Variants in OR8B3 observed in about 807,000 individuals in gnomAD.
OR8B3 encodes the protein olfactory receptor 8B3.
For missense variants in OR8B3, 278 were observed against 377.6 expected (o/e 0.74, Z 2.19); for synonymous variants, 102 against 135.4 (o/e 0.75, Z 1.71).
chr11:124,408,227 C>T, the OR8B3 span, among the ~76,000 whole-genome samples: 1 of 152,040 alleles, frequency 6.6e-6, no homozygotes, highest in Non-Finnish European at 1.5e-5. Flanking sequence ...GTGAACAATG[C>T]TTATTTGTCC....
chr11:124,404,297 G>A, the OR8B3 span: 8 of 152,096 alleles, frequency 5.3e-5, no homozygotes, highest in African/African-American at 1.7e-4. Context: ...GATAAAAATT[G>A]CACACATAGG....
rs749778998 is a variant in OR8B3 at position 124,396,747 on chromosome 11, A to G, written c.605T>C (p.Val202Ala). 2.5e-6 allele frequency: 4 copies of G among 1,613,942 alleles called. No individual in the cohort carries two copies. The highest frequency in any genetic ancestry group is 1.3e-5 in the African/African-American group (1 of 75,036). ...GGGTACCATGATATTAATACCCACA[A>G]CAATGAGAACAACCACCTCGTTGAC... ...TYVNEVVVLI[V>A]VGINIMVPSC... The change falls in exon 2 of 2, where the codon GTT becomes GCT. Residue 202 changes from valine to alanine, a missense_variant. Val to Ala is a moderately conservative substitution (Grantham distance 64). Coordinates refer to ENST00000641139, the MANE Select transcript of OR8B3 (RefSeq NM_001005467.2).
chr11:124,408,040 C>T, the OR8B3 span, among the ~76,000 whole-genome samples: 1 of 152,110 alleles, frequency 6.6e-6, no homozygotes, highest in Non-Finnish European at 1.5e-5. Flanking sequence ...GTTTGGGATG[C>T]TACTATAAAT....
Position 124,396,713 on chromosome 11 carries a change from G to T in OR8B3, c.639C>A (p.Thr213=), listed in dbSNP as rs1339397397. Residue 213 remains threonine, a synonymous_variant, in exon 2 of 2, where the codon ACC becomes ACA. Coordinates refer to ENST00000641139, the MANE Select transcript of OR8B3 (RefSeq NM_001005467.2). ...CAATGAAAACATAAGAAATGAGGAT[G>T]GTACAACTGGGTACCATGATATTAA... ...VGINIMVPSC[T]ILISYVFIVT... is the part of the protein sequence containing the mutation. 3.7e-6 allele frequency: 6 copies of T among 1,613,646 alleles called. No individual in the cohort carries two copies. Among genetic ancestry groups the T allele is most frequent in the Non-Finnish European group, 4.2e-6 (5 of 1,179,838 alleles).
intron 1 of OR8B3, among the ~76,000 whole-genome samples, chr11:124,398,280 T>C (rs1378984449): frequency 1.3e-5 from 2 of 149,544 alleles, no homozygotes; most frequent in African/African-American, 5.0e-5. Context: ...CTAGACAGGA[T>C]GAAGAAAGGA....
chr11:124,407,111 T>C, the OR8B3 span, among the ~76,000 whole-genome samples: 1 of 152,150 alleles, frequency 6.6e-6, no homozygotes, highest in Non-Finnish European at 1.5e-5. Context: ...CATATGATGT[T>C]AGCTGATATT....
At chr11:124,400,402 T>G (rs1860974912), upstream of OR8B3, among the ~76,000 whole-genome samples, 1 of 152,186 alleles carries the variant, frequency 6.6e-6, no homozygotes, top group African/African-American at 2.4e-5. Flanking sequence ...AACTATACTC[T>G]CCAGTCAGTG....
the OR8B3 span, among the ~76,000 whole-genome samples, chr11:124,408,216 G>C: frequency 1.3e-5 from 2 of 152,016 alleles, no homozygotes; most frequent in African/African-American, 2.4e-5. Context: ...AATTATTTTA[G>C]GTGAACAATG....
intron 1 of OR8B3, among the ~76,000 whole-genome samples, chr11:124,397,869 A>G (rs576359413): frequency 4.6e-5 from 7 of 151,824 alleles, no homozygotes; most frequent in Admixed American, 3.9e-4. Context: ...TAATTTTTGT[A>G]TTTTTAGTAG....
chr11:124,397,212 A>C lies in OR8B3; in HGVS notation c.140T>G (p.Ile47Ser), dbSNP rs201710114. ...VTMVGNLGLI[I>S]LFGLNSHLHT... ...GAGGTGAGAATTTAGACCGAAAAGA[A>C]TGATCAAGCCAAGGTTGCCTACCAT... Residue 47 changes from isoleucine to serine, a missense_variant, in exon 2 of 2, where the codon ATT becomes AGT. Physicochemically the swap from Ile to Ser is moderately radical, Grantham distance 142 (BLOSUM62 -2). Coordinates refer to ENST00000641139, the MANE Select transcript of OR8B3 (RefSeq NM_001005467.2). 7 of 1,609,262 alleles carry C rather than the reference A, an allele frequency of 4.3e-6. No individual in the cohort carries two copies. Among genetic ancestry groups the C allele is most frequent in the Non-Finnish European group, 5.9e-6 (7 of 1,179,546 alleles).
At chr11:124,406,323 A>T in the OR8B3 span, among the ~76,000 whole-genome samples, 1 of 152,216 alleles carries the variant, frequency 6.6e-6, no homozygotes, top group Non-Finnish European at 1.5e-5. Context: ...ATGATTTAGT[A>T]CATGGAAAGT....
At chr11:124,407,894 A>G in the OR8B3 span, among the ~76,000 whole-genome samples, 5 of 152,178 alleles carry the variant, frequency 3.3e-5, no homozygotes, top group Non-Finnish European at 7.4e-5. Context: ...CGGACATGTT[A>G]ATAACATTGT....
the OR8B3 span, among the ~76,000 whole-genome samples, chr11:124,408,502 A>G: frequency 2.0e-5 from 3 of 152,196 alleles, no homozygotes; most frequent in African/African-American, 2.4e-5. Context: ...AGAGTAATAA[A>G]GGTGGAGACA....
upstream of OR8B3, among the ~76,000 whole-genome samples, chr11:124,403,102 C>T (rs1458508808): frequency 9.2e-5 from 14 of 152,154 alleles, no homozygotes; most frequent in Non-Finnish European, 2.9e-5. Context: ...TCCATTTAAC[C>T]CTGAGTGGAC....
Position 124,397,239 on chromosome 11 carries a change from G to A in OR8B3, c.113C>T (p.Thr38Ile), listed in dbSNP as rs1169414625. Residue 38 changes from threonine (T) to isoleucine (I), a missense_variant, in exon 2 of 2, where the codon ACC becomes ATC. Physicochemically the swap from Thr to Ile is moderately conservative, Grantham distance 89 (BLOSUM62 -1). Coordinates refer to ENST00000641139, the MANE Select transcript of OR8B3 (RefSeq NM_001005467.2). ...FFLFLVVYIVTMVGNLGLIIL... is the reference protein window; with the variant it reads ...FFLFLVVYIVIMVGNLGLIIL... ...GATCAAGCCAAGGTTGCCTACCATGGTGACAATGTAGACCACTAGAAACAG... is the reference window on the plus strand; with the variant it reads ...GATCAAGCCAAGGTTGCCTACCATGATGACAATGTAGACCACTAGAAACAG... The A allele has an allele frequency of 6.3e-7, 1 of 1,594,612 alleles. No individual in the cohort carries two copies. The highest frequency in any genetic ancestry group is 1.4e-5 in the African/African-American group (1 of 69,448).
upstream of OR8B3, among the ~76,000 whole-genome samples, chr11:124,400,409 A>G (rs1450879979): frequency 6.6e-6 from 1 of 152,178 alleles, no homozygotes. Context: ...CTCTCCAGTC[A>G]GTGCAATAGA....
At chr11:124,403,771 G>A (rs1208110902), upstream of OR8B3, among the ~76,000 whole-genome samples, 1 of 152,198 alleles carries the variant, frequency 6.6e-6, no homozygotes, top group Non-Finnish European at 1.5e-5. Context: ...CGGCTGGGAG[G>A]TGGAGGTTGT....
the OR8B3 span, among the ~76,000 whole-genome samples, chr11:124,404,037 G>T: frequency 1.3e-5 from 2 of 152,192 alleles, no homozygotes; most frequent in African/African-American, 4.8e-5. Flanking sequence ...CAGGCAGGGA[G>T]GTTGCAGTGA....
chr11:124,396,979 C>T lies in OR8B3; in HGVS notation c.373G>A (p.Ala125Thr), dbSNP rs1180786347. The change falls in exon 2 of 2, where the codon GCC becomes ACC. Residue 125 changes from alanine to threonine, a missense_variant. Coordinates refer to ENST00000641139, the MANE Select transcript of OR8B3 (RefSeq NM_001005467.2). The stretch of plus-strand genomic sequence containing the variant: ...TTATACAGCAATGGATTACAGATGG[C>T]CACATAGCGATCATATGCCATTGAG... ...LTSMAYDRYVAICNPLLYKVT... is the reference protein window; with the variant it reads ...LTSMAYDRYVTICNPLLYKVT... 1 of 1,613,528 alleles carries T rather than the reference C, an allele frequency of 6.2e-7. No individual in the cohort carries two copies. Among genetic ancestry groups the T allele is most frequent in the Non-Finnish European group, 8.5e-7 (1 of 1,179,770 alleles).
Sources: gnomAD v4.1 joint callset for allele counts (sites outside exome capture counted in the v4.1 genomes callset) on GRCh38, gnomAD v4.1.1 for gene constraint, MANE v1.5 for transcripts, NCBI Gene and HGNC (gene_info 2026-07-23, HGNC 2026-07-21) for gene names.